Variants in DTWD2 observed in about 807,000 individuals in gnomAD.
The protein encoded by DTWD2 is DTW motif tRNA-uridine aminocarboxypropyltransferase 2.
DTWD2 carries 39 observed loss-of-function variants against 31.8 expected under a neutral mutation model. The ratio of observed to expected loss-of-function variants is 1.22; its 90% CI spans 0.95 to 1.60. The LOEUF (loss-of-function observed/expected upper bound fraction) is 1.60. Ranked by LOEUF, DTWD2 falls within the 40% of genes most tolerant of loss-of-function variation. The pLI is 0.00. For synonymous variants in DTWD2, 180 were observed against 142.8 expected (o/e 1.26, Z -1.86); for missense variants, 515 against 381.5 (o/e 1.35, Z -2.92).
chr5:118,910,583 G>A (rs919843942), intron 4 of DTWD2, among the ~76,000 whole-genome samples: 87 of 152,272 alleles, frequency 5.7e-4, no homozygotes, highest in African/African-American at 2.0e-3. Flanking sequence ...TCATGGCGGT[G>A]TAGGCTTTTT....
chr5:118,930,120 T>C (rs59300139), intron 3 of DTWD2, among the ~76,000 whole-genome samples: 1 of 152,284 alleles, frequency 6.6e-6, no homozygotes, highest in South Asian at 2.1e-4. Flanking sequence ...AATAAATTTG[T>C]ATGCCTTTTC....
intron 4 of DTWD2, among the ~76,000 whole-genome samples, chr5:118,910,035 C>T (rs1218133081): frequency 6.6e-6 from 1 of 152,186 alleles, no homozygotes; most frequent in African/African-American, 2.4e-5. Flanking sequence ...CAGCACCTGG[C>T]TTCTGCCCAT....
intron 4 of DTWD2, among the ~76,000 whole-genome samples, chr5:118,921,082 G>T (rs1204281928): frequency 6.6e-6 from 1 of 152,022 alleles, no homozygotes. Context: ...ACACCCAATG[G>T]AAGCAAATGT....
At chr5:118,884,945 G>T (rs999301018) in intron 4 of DTWD2, among the ~76,000 whole-genome samples, 1 of 139,346 alleles carries the variant, frequency 7.2e-6, no homozygotes, top group African/African-American at 2.8e-5. Flanking sequence ...GCAGTGAGCC[G>T]AGACTACGCC....
rs191293432 is a variant in DTWD2 at position 118,911,203 on chromosome 5, A to T, written c.597+17334T>A. On this transcript the variant is annotated intron_variant, in intron 4 of 5. Coordinates refer to ENST00000510708, the MANE Select transcript of DTWD2 (RefSeq NM_173666.4). ...GAAGAAATTCATGTAAGTACTACAC[A>T]CTAACTGATTGTGCCACTGGAGCAC... is the stretch of plus-strand genomic sequence containing the variant. Among the ~76,000 whole-genome samples, 5 of 152,348 alleles carry T rather than the reference A, an allele frequency of 3.3e-5. No individual in the cohort carries two copies. The East Asian group carries it at 9.6e-4, about 29-fold the overall frequency.
At chr5:118,901,474 T>C (rs1427002023) in intron 4 of DTWD2, among the ~76,000 whole-genome samples, 7 of 152,230 alleles carry the variant, frequency 4.6e-5, no homozygotes, top group Non-Finnish European at 1.0e-4. Flanking sequence ...GATGCCAGAA[T>C]GCCTCTCTGA....
intron 1 of DTWD2, among the ~76,000 whole-genome samples, chr5:118,949,786 G>C (rs1247195435): frequency 6.6e-6 from 1 of 152,126 alleles, no homozygotes; most frequent in Non-Finnish European, 1.5e-5. Context: ...TTTGAACTGG[G>C]GAAAAGGGCG....
chr5:118,898,545 A>G (rs543576096), intron 4 of DTWD2, among the ~76,000 whole-genome samples: 5 of 151,618 alleles, frequency 3.3e-5, no homozygotes, highest in East Asian at 3.9e-4. Context: ...TGTAATCTCA[A>G]CTTCTCAGGA....
At chr5:118,869,483 C>T (rs761684445) in intron 4 of DTWD2, among the ~76,000 whole-genome samples, 1 of 152,174 alleles carries the variant, frequency 6.6e-6, no homozygotes, top group African/African-American at 2.4e-5. Context: ...CATACCCATA[C>T]TAAAACCCTC....
chr5:118,839,977 T>C lies in DTWD2; in HGVS notation c.*940A>G, dbSNP rs1213507929. 6.6e-6 allele frequency: 1 copy of C among 152,160 alleles called. No homozygotes were observed. Among genetic ancestry groups the C allele is most frequent in the Non-Finnish European group, 1.5e-5 (1 of 68,024 alleles). The allele number at this position is 152,160 out of a possible 1,614,324, so 9.4% of individuals were successfully genotyped here. On this transcript the variant is annotated 3_prime_UTR_variant, in exon 6 of 6. Transcript: ENST00000510708. ...ACAAAGACTAAACAAAATCCCCTCT[T>C]CCTGCCAAAATGTGTACATAATTGC...
At chr5:118,962,392 A>G (rs1195404470) in intron 1 of DTWD2, among the ~76,000 whole-genome samples, 1 of 152,170 alleles carries the variant, frequency 6.6e-6, no homozygotes, top group Admixed American at 6.5e-5. Context: ...TCAATGCAAC[A>G]CCTATATACA....
chr5:118,957,246 T>C (rs2063554406), intron 1 of DTWD2, among the ~76,000 whole-genome samples: 3 of 151,776 alleles, frequency 2.0e-5, no homozygotes, highest in South Asian at 4.2e-4. Flanking sequence ...TTCTGAGACA[T>C]AGTCTTGCTC....
intron 4 of DTWD2, among the ~76,000 whole-genome samples, chr5:118,868,199 G>A (rs1350205310): frequency 6.6e-6 from 1 of 151,870 alleles, no homozygotes; most frequent in Non-Finnish European, 1.5e-5. Flanking sequence ...TCAGAAATAC[G>A]AGATACCCAC....
intron 1 of DTWD2, among the ~76,000 whole-genome samples, chr5:118,953,334 C>G (rs1352987763): frequency 6.6e-6 from 1 of 152,168 alleles, no homozygotes; most frequent in Admixed American, 6.5e-5. Flanking sequence ...CCATTCCTGT[C>G]TACATCTGAA....
chr5:118,897,822 G>A (rs1753115999), intron 4 of DTWD2, among the ~76,000 whole-genome samples: 1 of 152,070 alleles, frequency 6.6e-6, no homozygotes, highest in Admixed American at 6.6e-5. Flanking sequence ...TTTTGAAACA[G>A]GTACCACTGC....
At chr5:118,861,650 AC>A (rs1458394765) in intron 4 of DTWD2, among the ~76,000 whole-genome samples, 2 of 152,174 alleles carry the variant, frequency 1.3e-5, no homozygotes, top group Non-Finnish European at 2.9e-5. Flanking sequence ...TTTATTGAGT[AC>A]CAACTATGTG....
At chr5:118,884,996 CAAAAAAAAAAA>C (rs36042211) in intron 4 of DTWD2, among the ~76,000 whole-genome samples, 7 of 49,750 alleles carry the variant, frequency 1.4e-4, no homozygotes, top group South Asian at 7.3e-4. Context: ...ACTCCATCTC[CAAAAAAAAAAA>C]AAAAAAAAAA....
intron 1 of DTWD2, among the ~76,000 whole-genome samples, chr5:118,967,759 A>G (rs1754886566): frequency 6.6e-6 from 1 of 152,250 alleles, no homozygotes; most frequent in South Asian, 2.1e-4. Flanking sequence ...TCCAATCAAT[A>G]AATGTAGAAA....
intron 4 of DTWD2, among the ~76,000 whole-genome samples, chr5:118,921,088 A>T (rs1388515800): frequency 6.6e-6 from 1 of 152,138 alleles, no homozygotes. Flanking sequence ...AATGGAAGCA[A>T]ATGTTCCTTC....
Sources: allele counts gnomAD v4.1 joint callset (sites outside exome capture counted in the v4.1 genomes callset), GRCh38; gene constraint gnomAD v4.1.1; transcripts MANE v1.5; gene names NCBI Gene and HGNC (gene_info 2026-07-23, HGNC 2026-07-21).